Variants in LRP1 observed in about 807,000 individuals in gnomAD.
LRP1 encodes LDL receptor related protein 1.
LRP1 carries 51 observed loss-of-function variants against 541.5 expected under a neutral mutation model. That is an observed-to-expected ratio of 0.09 (90% CI 0.08 to 0.12). LRP1 has a LOEUF of 0.12. LRP1 is among the 10% of genes least tolerant of loss of function. The pLI is 1.00. For missense variants in LRP1, 3,878 were observed against 6,376.2 expected, an observed-to-expected ratio of 0.61 and a Z score of 13.34; for synonymous variants, 2,219 against 2,470.8, an observed-to-expected ratio of 0.90 and a Z score of 3.02.
At chr12:57,149,115 C>T in intron 6 of LRP1, 1 of 504,384 alleles carries the variant, frequency 2.0e-6, no homozygotes, top group Non-Finnish European at 3.5e-6. Context: ...TACCTCCCCA[C>T]TGTGCTGGGC....
At chr12:57,198,419 G>T (rs771831963) in intron 59 of LRP1, 46 bp from the exon 60 acceptor site, 21 of 1,606,340 alleles carry the variant, frequency 1.3e-5, no homozygotes, top group Non-Finnish European at 1.8e-5. Flanking sequence ...CCACTGGTGC[G>T]ATGGGTTACG....
At chr12:57,208,257 A>G in intron 77 of LRP1, 41 bp downstream of exon 77, 2 of 1,592,598 alleles carry the variant, frequency 1.3e-6, no homozygotes, top group Middle Eastern at 3.6e-4. Context: ...GGCTGGTGGT[A>G]GGAAGCCCCC....
intron 24 of LRP1, among the ~76,000 whole-genome samples, 181 bp from the exon 25 acceptor site, chr12:57,176,860 T>C (rs779937720): frequency 6.7e-6 from 1 of 149,118 alleles, no homozygotes; most frequent in African/African-American, 2.5e-5. Flanking sequence ...GAAGACCCTG[T>C]CTCAAAAAAA....
rs1441164515 is a variant in LRP1 at position 57,185,297 on chromosome 12, G to A, written c.6463+92G>A. 2 of 1,549,290 alleles carry A rather than the reference G, an allele frequency of 1.3e-6. No individual in the cohort carries two copies. Among genetic ancestry groups the A allele is most frequent in the Non-Finnish European group, 1.8e-6 (2 of 1,140,166 alleles). The stretch of plus-strand genomic sequence containing the variant: ...AGGGAACCCAGTGTGAGAGGGCTGG[G>A]AGACAAGTTAGACCCATGGGGCAAC... On this transcript the variant is annotated intron_variant, in intron 40 of 88. Transcript: ENST00000243077. This position sits in a 1 kb window ranked among gnomAD's most constrained non-coding sequence, Gnocchi z 4.9.
At chr12:57,135,342 G>A (rs1414420325) in intron 1 of LRP1, among the ~76,000 whole-genome samples, 1 of 152,186 alleles carries the variant, frequency 6.6e-6, no homozygotes, top group African/African-American at 2.4e-5. Context: ...GGTTTTCTGG[G>A]TGCTGGATTC....
Position 57,212,363 on chromosome 12 carries a change from G to A in LRP1, c.13495-52G>A. ...GACGGAGGTGGGGGTGGGGTAACCT[G>A]GGCTACAGGCCCAGCTCCTGAGCCC... On this transcript the variant is annotated intron_variant, in intron 88 of 88. Transcript: ENST00000243077. The surrounding 1 kb of genome is among the most constrained non-coding windows in gnomAD (Gnocchi z 5.0). 1.2e-6 allele frequency: 2 copies of A among 1,613,766 alleles called. No individual in the cohort carries two copies. The highest frequency in any genetic ancestry group is 1.7e-6 in the Non-Finnish European group (2 of 1,179,904).
chr12:57,129,680 GA>G (rs2048478599), intron 1 of LRP1, among the ~76,000 whole-genome samples: 1 of 152,216 alleles, frequency 6.6e-6, no homozygotes, highest in Admixed American at 6.5e-5. Context: ...GGGGGGCAGA[GA>G]GGGGGAGCTC....
rs759655137 is a variant in LRP1, at chr12:57,200,433, G to A, written c.10015-9G>A. 1.3e-6 allele frequency: 2 copies of A among 1,530,434 alleles called. No homozygotes were observed. Among genetic ancestry groups the A allele is most frequent in the Non-Finnish European group, 1.8e-6 (2 of 1,119,106 alleles). The allele number at this position is 1,530,434 out of a possible 1,614,324, so 94.8% of individuals were successfully genotyped here. On this transcript the variant is annotated splice_polypyrimidine_tract_variant and intron_variant, in intron 62 of 88. Transcript: ENST00000243077. Reference sequence around the variant, plus strand: ...CCACCAACCCCTCTTGCCCCCACCTGCCCTCCAGTTTGTATGCAAGAACGA... The same window carrying A: ...CCACCAACCCCTCTTGCCCCCACCTACCCTCCAGTTTGTATGCAAGAACGA...
chr12:57,129,052 C>G (rs183713414), intron 1 of LRP1, 21 bp downstream of exon 1: 1 of 1,551,122 alleles, frequency 6.4e-7, no homozygotes, highest in African/African-American at 1.4e-5. Flanking sequence ...TTCCGCGTCC[C>G]CCTTGGACCC....
chr12:57,144,903 C>G lies in LRP1; in HGVS notation c.449-69C>G, dbSNP rs2035369654. ...GTAAGGATGGACATGTTGATCATGT[C>G]TGATGATCACCCACTTCGTTGCCCT... On this transcript the variant is annotated intron_variant, in intron 4 of 88. Coordinates refer to ENST00000243077, the MANE Select transcript of LRP1 (RefSeq NM_002332.3). 1.0e-5 allele frequency: 15 copies of G among 1,463,948 alleles called. No individual in the cohort carries two copies. The South Asian group carries it at 1.7e-4, about 17-fold the overall frequency. 90.7% of individuals were successfully genotyped at this position (1,463,948 alleles called of 1,614,324 possible).
chr12:57,168,855 C>T (rs1213956188), intron 19 of LRP1, among the ~76,000 whole-genome samples: 1 of 152,208 alleles, frequency 6.6e-6, no homozygotes, highest in Non-Finnish European at 1.5e-5. Context: ...CCCACACCTG[C>T]CAGAAAGGGG....
rs781599125 is a variant in LRP1 at position 57,176,082 on chromosome 12, C to T, written c.3967C>T (p.Arg1323Cys). The change falls in exon 24 of 89, where the codon CGC becomes TGC. Residue 1323 changes from arginine (R) to cysteine (C), a missense_variant. Transcript: ENST00000243077. ...CGACGTGGTGGAGGACAAGATCTAC[C>T]GCGGGAAGCTGCTGGACAACGGAGG... ...WTDVVEDKIY[R>C]GKLLDNGALT... is the part of the protein sequence containing the mutation. The T allele has an allele frequency of 2.9e-5, 47 of 1,614,144 alleles. No individual in the cohort carries two copies. The highest frequency in any genetic ancestry group is 3.6e-5 in the Non-Finnish European group (42 of 1,180,040).
rs1393119523 is a variant in LRP1, at chr12:57,197,198, C to T, written c.9076+33C>T. Reference sequence around the variant, plus strand: ...GCGCGCTTGGAGGGCATGAGGTGACCCAGGCTGTGTGGGACTGCCCGGGTG... The same window carrying T: ...GCGCGCTTGGAGGGCATGAGGTGACTCAGGCTGTGTGGGACTGCCCGGGTG... On this transcript the variant is annotated intron_variant, in intron 56 of 88. Coordinates refer to ENST00000243077, the MANE Select transcript of LRP1 (RefSeq NM_002332.3). This position sits in a 1 kb window ranked among gnomAD's most constrained non-coding sequence, Gnocchi z 4.5. The T allele has an allele frequency of 3.7e-6, 6 of 1,613,860 alleles. No individual in the cohort carries two copies. The highest frequency in any genetic ancestry group is 1.3e-5 in the African/African-American group (1 of 75,038).
At chr12:57,133,619 G>A (rs945686166) in intron 1 of LRP1, among the ~76,000 whole-genome samples, 3 of 96,952 alleles carry the variant, frequency 3.1e-5, no homozygotes, top group East Asian at 2.7e-4. Context: ...CTGTCCCCGC[G>A]CCGCCCCCCC....
intron 1 of LRP1, 80 bp downstream of exon 1, chr12:57,129,111 G>C: frequency 7.3e-7 from 1 of 1,378,298 alleles, no homozygotes; most frequent in Admixed American, 2.0e-5. Flanking sequence ...GGATGGGGAA[G>C]GGAGACGCGG....
intron 52 of LRP1, 72 bp downstream of exon 52, chr12:57,195,471 G>A (rs147490871): frequency 3.0e-5 from 47 of 1,586,918 alleles, no homozygotes; most frequent in Non-Finnish European, 3.6e-5. Flanking sequence ...TGGGGAAGCC[G>A]GGGTGCAGGA....
chr12:57,135,049 A>G (rs2035127378), intron 1 of LRP1, among the ~76,000 whole-genome samples: 1 of 152,162 alleles, frequency 6.6e-6, no homozygotes, highest in South Asian at 2.1e-4. Context: ...CCTATGAGGA[A>G]ACCACCTGCT....
intron 17 of LRP1, 102 bp from the exon 18 acceptor site, chr12:57,166,828 C>A: frequency 1.4e-6 from 1 of 718,470 alleles, no homozygotes; most frequent in Non-Finnish European, 2.5e-6. Flanking sequence ...GGTTTTGGAT[C>A]CTTGGAAATA....
At chr12:57,191,783 TAC>T (rs970203595) in intron 44 of LRP1, among the ~76,000 whole-genome samples, 1 of 28,930 alleles carries the variant, frequency 3.5e-5, no homozygotes, top group Non-Finnish European at 6.7e-5. Context: ...ACACCCCACA[TAC>T]ACACACCACA....
Sources: gnomAD v4.1 joint callset for allele counts (sites outside exome capture counted in the v4.1 genomes callset) on GRCh38, gnomAD v4.1.1 for gene constraint, Gnocchi (gnomAD v3.1) non-coding constraint, MANE v1.5 for transcripts, NCBI Gene and HGNC (gene_info 2026-07-23, HGNC 2026-07-21) for gene names.